The following BEGAIN variants were observed in gnomAD, a reference collection of about 807,000 sequenced individuals.
BEGAIN encodes brain-enriched guanylate kinase-associated protein.
Under a neutral mutation model 35.8 loss-of-function variants are expected in BEGAIN, and 19 were observed. That is an observed-to-expected ratio of 0.53 (90% confidence interval 0.37 to 0.78). The LOEUF is 0.78. Among genes scored for constraint, BEGAIN ranks in the 30% least tolerant of loss-of-function variants. BEGAIN has a pLI of 0.00. For synonymous variants in BEGAIN, 462 were observed against 388.6 expected (o/e 1.19, Z -2.22); for missense variants, 795 against 853.6 (o/e 0.93, Z 0.85).
At chr14:100,542,255 G>T (rs1419344503) in intron 5 of BEGAIN, among the ~76,000 whole-genome samples, 2 of 152,172 alleles carry the variant, frequency 1.3e-5, no homozygotes, top group Non-Finnish European at 2.9e-5. Context: ...CTCTGACCTG[G>T]TCTCTCAGCA....
chr14:100,574,382 T>G (rs1467459618), intron 1 of BEGAIN, among the ~76,000 whole-genome samples: 2 of 152,184 alleles, frequency 1.3e-5, no homozygotes, highest in Non-Finnish European at 2.9e-5. Context: ...TTGTCTAGGC[T>G]CTGTGTGACT....
At chr14:100,559,549 C>T (rs368543788) in intron 2 of BEGAIN, among the ~76,000 whole-genome samples, 1 of 152,250 alleles carries the variant, frequency 6.6e-6, no homozygotes, top group Non-Finnish European at 1.5e-5. Flanking sequence ...CATTACTGGC[C>T]ACCAAGGAAC....
chr14:100,560,751 A>G (rs1489459106), intron 2 of BEGAIN, among the ~76,000 whole-genome samples: 2 of 152,130 alleles, frequency 1.3e-5, no homozygotes, highest in Non-Finnish European at 2.9e-5. Context: ...GGCCCAGAAG[A>G]CCTGGTCCCA....
At position 100,545,621 on chromosome 14, in the gene BEGAIN, C is replaced by T. The variant is rs1187091025; in HGVS notation, c.234-555G>A. Among the ~76,000 whole-genome samples the T allele has an allele frequency of 2.0e-5, 3 of 152,154 alleles. No homozygotes were observed. The East Asian group carries it at 5.8e-4, about 29-fold the overall frequency. On this transcript the variant is annotated intron_variant, in intron 3 of 6. Coordinates refer to ENST00000554140, the MANE Select transcript of BEGAIN (RefSeq NM_001385089.1). Reference sequence around the variant, plus strand: ...AGGGGGCTTGGGGATGGTGTCCAGCCTCAGACAACCTATGTGTCGTGTTAT... The same window carrying T: ...AGGGGGCTTGGGGATGGTGTCCAGCTTCAGACAACCTATGTGTCGTGTTAT...
At chr14:100,554,704 C>T (rs1166099210) in intron 2 of BEGAIN, among the ~76,000 whole-genome samples, 2 of 152,100 alleles carry the variant, frequency 1.3e-5, no homozygotes, top group Non-Finnish European at 2.9e-5. Context: ...CCTGTTCTCA[C>T]CCTGGCCCCC....
Position 100,566,944 on chromosome 14 carries a change from C to T in BEGAIN, c.71+967G>A, listed in dbSNP as rs544862150. On this transcript the variant is annotated intron_variant, in intron 2 of 6. Coordinates refer to ENST00000554140, the MANE Select transcript of BEGAIN (RefSeq NM_001385089.1). ...ACTCACCCACGGCACTAAGGGTCAG[C>T]TGGCAGAGCCCAGGGCCCCTCTGCC... is the stretch of plus-strand genomic sequence containing the variant. Among the ~76,000 whole-genome samples the T allele has an allele frequency of 3.9e-5, 6 of 152,290 alleles. No individual in the cohort carries two copies. In the East Asian group the frequency reaches 7.8e-4, roughly 20 times the overall value.
intron 4 of BEGAIN, among the ~76,000 whole-genome samples, chr14:100,544,644 C>T (rs2032118772): frequency 6.6e-6 from 1 of 152,174 alleles, no homozygotes; most frequent in African/African-American, 2.4e-5. Context: ...AAACCTGCCT[C>T]TGGCTCACCC....
At chr14:100,540,111 T>G in intron 6 of BEGAIN, 1 of 198,932 alleles carries the variant, frequency 5.0e-6, no homozygotes. Flanking sequence ...CTTTCCTGAA[T>G]GTTTTCTTTC....
At chr14:100,574,146 C>T (rs2035151615) in intron 1 of BEGAIN, among the ~76,000 whole-genome samples, 1 of 152,216 alleles carries the variant, frequency 6.6e-6, no homozygotes, top group Non-Finnish European at 1.5e-5. Context: ...CCCAGAGCCT[C>T]CGCTGCAGTC....
At position 100,546,634 on chromosome 14, in the gene BEGAIN, G is replaced by T. The variant is rs1431075053; in HGVS notation, c.100C>A (p.Arg34Ser). Reference sequence around the variant, plus strand: ...TGTGTGGTGTAGGACAGCCGCTTGCGCAGCTCGCCCTTCTGCTCCTGCAGC... The same window carrying T: ...TGTGTGGTGTAGGACAGCCGCTTGCTCAGCTCGCCCTTCTGCTCCTGCAGC... ...SALQEQKGEL[R>S]KRLSYTTHKL... is the part of the protein sequence containing the mutation. The change falls in exon 3 of 7, where the codon CGC becomes AGC. Residue 34 changes from arginine to serine, a missense_variant. Coordinates refer to ENST00000554140, the MANE Select transcript of BEGAIN (RefSeq NM_001385089.1). 1 of 1,576,870 alleles carries T rather than the reference G, an allele frequency of 6.3e-7. No homozygotes were observed.
intron 2 of BEGAIN, among the ~76,000 whole-genome samples, chr14:100,561,316 C>T (rs1166338547): frequency 1.3e-5 from 2 of 152,212 alleles, no homozygotes; most frequent in Non-Finnish European, 2.9e-5. Context: ...CCGAGACGGG[C>T]AGGCCACAAC....
At chr14:100,570,675 G>A (rs932039084) in intron 1 of BEGAIN, among the ~76,000 whole-genome samples, 1 of 152,218 alleles carries the variant, frequency 6.6e-6, no homozygotes, top group African/African-American at 2.4e-5. Flanking sequence ...ATCTTTATGG[G>A]TGGCTAGGGA....
At chr14:100,581,189 A>C (rs2035308407) in intron 1 of BEGAIN, among the ~76,000 whole-genome samples, 1 of 152,144 alleles carries the variant, frequency 6.6e-6, no homozygotes, top group African/African-American at 2.4e-5. Context: ...TGGCATGAGC[A>C]AGGGACTTCA....
intron 1 of BEGAIN, among the ~76,000 whole-genome samples, chr14:100,585,616 G>A (rs931030223): frequency 3.3e-5 from 5 of 151,696 alleles, no homozygotes; most frequent in African/African-American, 1.2e-4. Flanking sequence ...CAGACCCTGC[G>A]CCCAAGTCTT....
At chr14:100,545,118 G>A (rs1312043534) in intron 3 of BEGAIN, 52 bp from the exon 4 acceptor site, 9 of 1,610,088 alleles carry the variant, frequency 5.6e-6, no homozygotes, top group South Asian at 4.4e-5. Flanking sequence ...TCCCTCCCAC[G>A]ACCCTTATGG....
chr14:100,579,727 A>G (rs919825097), intron 1 of BEGAIN, among the ~76,000 whole-genome samples: 2 of 152,030 alleles, frequency 1.3e-5, no homozygotes, highest in East Asian at 3.8e-4. Context: ...AGTCTGCAAA[A>G]CTCAGTGCGT....
chr14:100,545,227 A>C (rs2032213639), intron 3 of BEGAIN, 161 bp from the exon 4 acceptor site: 2 of 1,463,334 alleles, frequency 1.4e-6, no homozygotes. Context: ...TGCACACAGC[A>C]GAGAACATCC....
At chr14:100,555,323 G>GGTGGCCTGTGTTCCCTGTGCCC (rs1209407000) in intron 2 of BEGAIN, among the ~76,000 whole-genome samples, 2 of 152,228 alleles carry the variant, frequency 1.3e-5, no homozygotes, top group East Asian at 1.9e-4. Flanking sequence ...CTCCTGTGCC[G>GGTGGCCTGTGTTCCCTGTGCCC]GTGGCCTGTG....
intron 1 of BEGAIN, among the ~76,000 whole-genome samples, chr14:100,585,177 G>A (rs1229371286): frequency 6.6e-6 from 1 of 151,538 alleles, no homozygotes; most frequent in Non-Finnish European, 1.5e-5. Flanking sequence ...TGGACTCATG[G>A]GCTTCAGTCA....
Sources: allele counts gnomAD v4.1 joint callset (sites outside exome capture counted in the v4.1 genomes callset), GRCh38; gene constraint gnomAD v4.1.1; transcripts MANE v1.5; gene names NCBI Gene and HGNC (gene_info 2026-07-23, HGNC 2026-07-21).